The following ASXL3 variants were observed in gnomAD, a reference collection of about 807,000 sequenced individuals.
ASXL3 encodes the protein ASXL transcriptional regulator 3, also known as putative Polycomb group protein ASXL3.
In ASXL3, 34 loss-of-function variants were observed where a neutral mutation model predicts 170.6. The ratio of observed to expected loss-of-function variants is 0.20; its 90% CI spans 0.15 to 0.27. ASXL3 has a LOEUF of 0.27. Among genes scored for constraint, ASXL3 ranks in the 10% least tolerant of loss-of-function variants. The pLI, the probability that ASXL3 is intolerant of heterozygous loss-of-function variation, is 1.00. For synonymous variants in ASXL3, 1,002 were observed against 989.1 expected (o/e 1.01, Z -0.24); for missense variants, 2,592 against 2,695.3 (o/e 0.96, Z 0.85).
intron 1 of ASXL3, among the ~76,000 whole-genome samples, chr18:33,600,785 T>A (rs1408572323): frequency 2.0e-5 from 3 of 152,126 alleles, no homozygotes; most frequent in African/African-American, 7.2e-5. Context: ...CCAAAAACCA[T>A]GTCTTTCAGC....
intron 8 of ASXL3, among the ~76,000 whole-genome samples, chr18:33,713,248 G>GTTTTTTT (rs1226619353): frequency 6.1e-5 from 4 of 65,086 alleles, no homozygotes; most frequent in Non-Finnish European, 1.2e-4. Context: ...GTTTTGTTTT[G>GTTTTTTT]TTTTTTTTTT....
At chr18:33,669,229 G>A (rs1025143630) in intron 5 of ASXL3, among the ~76,000 whole-genome samples, 2 of 152,102 alleles carry the variant, frequency 1.3e-5, no homozygotes, top group Non-Finnish European at 2.9e-5. Context: ...AAGAGTAAAT[G>A]TCTTAAATAT....
At chr18:33,719,884 T>C (rs146462153) in intron 8 of ASXL3, among the ~76,000 whole-genome samples, 222 of 152,136 alleles carry the variant, frequency 1.5e-3, no homozygotes, top group African/African-American at 5.2e-3. Context: ...TTTTTGTTGT[T>C]TATAAGCTGC....
intron 4 of ASXL3, among the ~76,000 whole-genome samples, chr18:33,652,593 T>G (rs2066017287): frequency 1.8e-5 from 1 of 54,486 alleles, no homozygotes. Flanking sequence ...TTTAAAAGTT[T>G]CTGTTGGGGC....
chr18:33,695,538 ATATT>A (rs1269143501), intron 8 of ASXL3, among the ~76,000 whole-genome samples: 1 of 152,130 alleles, frequency 6.6e-6, no homozygotes, highest in Non-Finnish European at 1.5e-5. Context: ...TAGCTAACTG[ATATT>A]TAACGTCAAA....
At chr18:33,697,309 A>G (rs2066787990) in intron 8 of ASXL3, among the ~76,000 whole-genome samples, 1 of 152,130 alleles carries the variant, frequency 6.6e-6, no homozygotes, top group Admixed American at 6.6e-5. Flanking sequence ...CATTGGAAAT[A>G]CTGTGTTGCA....
intron 8 of ASXL3, among the ~76,000 whole-genome samples, chr18:33,727,961 A>C (rs531078264): frequency 6.6e-6 from 1 of 152,234 alleles, no homozygotes; most frequent in South Asian, 2.1e-4. Context: ...CATATTCTTG[A>C]ATGTGTTTAT....
At chr18:33,634,042 G>A (rs1270726207) in intron 2 of ASXL3, among the ~76,000 whole-genome samples, 2 of 152,110 alleles carry the variant, frequency 1.3e-5, no homozygotes, top group Admixed American at 6.6e-5. Context: ...AATCATGGTT[G>A]ACATTTAATA....
intron 8 of ASXL3, among the ~76,000 whole-genome samples, chr18:33,684,997 T>C (rs371039203): frequency 2.6e-5 from 4 of 152,092 alleles, no homozygotes; most frequent in South Asian, 4.2e-4. Flanking sequence ...GAAGGACAGA[T>C]TGGAAGTTGA....
At chr18:33,643,667 A>G (rs1340426580) in intron 2 of ASXL3, among the ~76,000 whole-genome samples, 2 of 151,778 alleles carry the variant, frequency 1.3e-5, no homozygotes, top group Non-Finnish European at 1.5e-5. Context: ...TGACTTTTCC[A>G]TTTTACTGGT....
rs143160313 is a variant in ASXL3, at chr18:33,611,305, T to C, written c.137+3629T>C. ...TATAATAAATTGTCAGAAGGACATG[T>C]GGTTTTGTTGAAAAAAAATAATAGA... On this transcript the variant is annotated intron_variant, in intron 2 of 11. Coordinates refer to ENST00000269197, the MANE Select transcript of ASXL3 (RefSeq NM_030632.3). Among the ~76,000 whole-genome samples the C allele has an allele frequency of 7.2e-5, 11 of 152,186 alleles. No homozygotes were observed. The East Asian group carries it at 1.7e-3, about 24-fold the overall frequency.
chr18:33,593,350 G>T (rs2065096560), intron 1 of ASXL3, among the ~76,000 whole-genome samples: 1 of 140,940 alleles, frequency 7.1e-6, no homozygotes, highest in Non-Finnish European at 1.5e-5. Context: ...GTCTGTCTCA[G>T]AGATTCCAGT....
At chr18:33,711,020 T>G (rs2067052266) in intron 8 of ASXL3, among the ~76,000 whole-genome samples, 1 of 152,204 alleles carries the variant, frequency 6.6e-6, no homozygotes, top group Non-Finnish European at 1.5e-5. Flanking sequence ...GTTCTCACTT[T>G]TTTGTTTTGC....
intron 8 of ASXL3, among the ~76,000 whole-genome samples, chr18:33,706,510 C>T (rs1420192988): frequency 1.3e-5 from 2 of 151,738 alleles, no homozygotes; most frequent in Admixed American, 6.6e-5. Flanking sequence ...TATTCAGCAT[C>T]CTTACGAGGA....
intron 4 of ASXL3, among the ~76,000 whole-genome samples, chr18:33,658,724 A>T (rs1447303562): frequency 6.6e-6 from 1 of 152,122 alleles, no homozygotes; most frequent in Non-Finnish European, 1.5e-5. Flanking sequence ...TAAAGTAAGG[A>T]ACAACTTCCA....
At chr18:33,676,051 C>T (rs760233031) in intron 7 of ASXL3, among the ~76,000 whole-genome samples, 8 of 151,222 alleles carry the variant, frequency 5.3e-5, no homozygotes, top group Admixed American at 2.0e-4. Context: ...AGTGAAACCC[C>T]GTCTCTACTA....
intron 5 of ASXL3, among the ~76,000 whole-genome samples, chr18:33,668,053 T>C (rs1056140198): frequency 2.0e-5 from 3 of 152,258 alleles, no homozygotes; most frequent in Non-Finnish European, 4.4e-5. Flanking sequence ...TGTAGGACAT[T>C]GACCCAAGTC....
At chr18:33,604,099 G>A (rs2065217257) in intron 1 of ASXL3, among the ~76,000 whole-genome samples, 1 of 151,936 alleles carries the variant, frequency 6.6e-6, no homozygotes, top group Non-Finnish European at 1.5e-5. Context: ...AAGATTAATT[G>A]TTAGCCAATA....
intron 8 of ASXL3, among the ~76,000 whole-genome samples, chr18:33,731,209 A>G (rs1229798086): frequency 1.6e-5 from 2 of 123,900 alleles, no homozygotes; most frequent in African/African-American, 5.3e-5. Flanking sequence ...TCAAAAACAA[A>G]CAAAAAAGTG....
Sources: allele counts gnomAD v4.1 joint callset (sites outside exome capture counted in the v4.1 genomes callset), GRCh38; gene constraint gnomAD v4.1.1; transcripts MANE v1.5; gene names NCBI Gene and HGNC (gene_info 2026-07-23, HGNC 2026-07-21).